KIFC3: variants seen among roughly 807,000 people sequenced by gnomAD.
KIFC3 encodes the protein kinesin-like protein KIFC3.
Under a neutral mutation model 101.8 loss-of-function variants are expected in KIFC3, and 60 were observed. The ratio of observed to expected loss-of-function variants is 0.59; its 90% CI spans 0.48 to 0.73. The LOEUF is 0.73. Ranked by LOEUF, KIFC3 falls within the 30% of genes least tolerant of loss-of-function variation. The pLI is 0.00. For missense variants in KIFC3, 966 were observed against 1,137.1 expected, an observed-to-expected ratio of 0.85 and a Z score of 2.16; for synonymous variants, 476 against 482.7, an observed-to-expected ratio of 0.99 and a Z score of 0.18.
chr16:57,857,503 C>T (rs989379490), intron 1 of KIFC3, among the ~76,000 whole-genome samples: 1 of 151,828 alleles, frequency 6.6e-6, no homozygotes, highest in Admixed American at 6.6e-5. Context: ...CCCATCAACC[C>T]GTCATCTCCA....
intron 12 of KIFC3, among the ~76,000 whole-genome samples, chr16:57,763,899 A>T (rs1395700835): frequency 1.3e-5 from 2 of 152,134 alleles, no homozygotes; most frequent in African/African-American, 2.4e-5. Context: ...GATCCCTGTG[A>T]TGATAGTCCC....
chr16:57,766,027 G>A (rs2050442229), intron 10 of KIFC3, among the ~76,000 whole-genome samples: 1 of 152,208 alleles, frequency 6.6e-6, no homozygotes, highest in African/African-American at 2.4e-5. Context: ...GCCTTGTCCT[G>A]AATGGCAGGA....
intron 3 of KIFC3, chr16:57,782,050 TAGAG>T: frequency 1.0e-6 from 1 of 985,392 alleles, no homozygotes; most frequent in African/African-American, 1.7e-5. Context: ...GGGCTTTGCT[TAGAG>T]AGGCAAAGTT....
chr16:57,853,989 T>A (rs1396255290), intron 1 of KIFC3, among the ~76,000 whole-genome samples: 1 of 152,120 alleles, frequency 6.6e-6, no homozygotes, highest in Non-Finnish European at 1.5e-5. Context: ...CCACCCAGGC[T>A]GGAGTGCAGT....
intron 1 of KIFC3, among the ~76,000 whole-genome samples, chr16:57,845,987 C>T (rs753445339): frequency 2.0e-5 from 3 of 152,098 alleles, no homozygotes; most frequent in African/African-American, 7.2e-5. Context: ...GGGTTTTTGT[C>T]AAAACAAAGC....
chr16:57,798,445 G>A, intron 1 of KIFC3, 163 bp from the exon 2 acceptor site: 1 of 651,972 alleles, frequency 1.5e-6, no homozygotes, highest in Non-Finnish European at 2.6e-6. Flanking sequence ...GGGCTCGCAG[G>A]ATGAAATGGG....
intron 2 of KIFC3, among the ~76,000 whole-genome samples, chr16:57,795,498 G>T (rs1220867680): frequency 6.6e-6 from 1 of 152,218 alleles, no homozygotes; most frequent in Non-Finnish European, 1.5e-5. Flanking sequence ...GAAGCTTTGA[G>T]GACTTGCACA....
chr16:57,815,023 G>A (rs1396868131), intron 1 of KIFC3, among the ~76,000 whole-genome samples: 1 of 152,200 alleles, frequency 6.6e-6, no homozygotes, highest in African/African-American at 2.4e-5. Context: ...GCCTTAGGTA[G>A]GAAGGAATTT....
chr16:57,796,738 A>G (rs1555623162), intron 2 of KIFC3, among the ~76,000 whole-genome samples: 2 of 152,214 alleles, frequency 1.3e-5, no homozygotes, highest in Non-Finnish European at 2.9e-5. Context: ...TCAAAGACCT[A>G]TATGCATGCA....
At chr16:57,762,919 C>T (rs1555599321) in intron 12 of KIFC3, among the ~76,000 whole-genome samples, 1 of 152,216 alleles carries the variant, frequency 6.6e-6, no homozygotes. Flanking sequence ...CTCCCTCTGC[C>T]CCGGGTACTC....
intron 1 of KIFC3, among the ~76,000 whole-genome samples, chr16:57,815,205 C>T (rs2055192562): frequency 1.3e-5 from 2 of 152,222 alleles, no homozygotes; most frequent in South Asian, 2.1e-4. Flanking sequence ...ACAGACTCTG[C>T]CCAAACAAGT....
chr16:57,850,295 C>T (rs1232238727), intron 1 of KIFC3, among the ~76,000 whole-genome samples: 1 of 150,264 alleles, frequency 6.7e-6, no homozygotes, highest in African/African-American at 2.5e-5. Flanking sequence ...CCCAGCTATT[C>T]AGGAGGCTGA....
rs782323217 is a variant in KIFC3 at position 57,761,541 on chromosome 16, A to G, written c.1749-5T>C. The G allele has an allele frequency of 1.1e-5, 17 of 1,612,118 alleles. No homozygotes were observed. The highest frequency in any genetic ancestry group is 1.4e-5 in the Non-Finnish European group (16 of 1,179,652). On this transcript the variant is annotated splice_region_variant and splice_polypyrimidine_tract_variant and intron_variant, in intron 13 of 19. Transcript: ENST00000445690. ...GGCTCTTTCCCTAGCAGGTCCCTGG[A>G]GGGGCAGGTGAGACAGTCACCCCCT... is the stretch of plus-strand genomic sequence containing the variant.
chr16:57,791,107 G>C (rs1219964536), intron 3 of KIFC3: 1 of 158,662 alleles, frequency 6.3e-6, no homozygotes, highest in Non-Finnish European at 1.4e-5. Flanking sequence ...CGTGGTGCCT[G>C]TAATTGCAGA....
At chr16:57,802,966 A>G, upstream of KIFC3, 2 of 1,535,558 alleles carry the variant, frequency 1.3e-6, no homozygotes, top group Non-Finnish European at 1.7e-6. This position sits in a 1 kb window ranked among gnomAD's most constrained non-coding sequence, Gnocchi z 5.0. Context: ...CTCACGAGAC[A>G]ATACATGTAC....
At chr16:57,788,186 C>T (rs1568026604) in intron 3 of KIFC3, among the ~76,000 whole-genome samples, 1 of 152,154 alleles carries the variant, frequency 6.6e-6, no homozygotes, top group Non-Finnish European at 1.5e-5. Context: ...TGGGGGCCCA[C>T]GGATAGGAGG....
At chr16:57,768,997 C>G (rs1459730244) in intron 9 of KIFC3, among the ~76,000 whole-genome samples, 1 of 152,106 alleles carries the variant, frequency 6.6e-6, no homozygotes, top group East Asian at 1.9e-4. Context: ...TGAACCCTGT[C>G]TCTAATAAAT....
intron 1 of KIFC3, among the ~76,000 whole-genome samples, chr16:57,851,598 G>A (rs529979161): frequency 1.4e-5 from 2 of 145,748 alleles, no homozygotes; most frequent in South Asian, 2.1e-4. Flanking sequence ...GCAGAGTCTC[G>A]CTCTGTTGCC....
intron 3 of KIFC3, chr16:57,775,883 G>A (rs1056744050): frequency 6.1e-6 from 6 of 985,420 alleles, no homozygotes; most frequent in Non-Finnish European, 7.2e-6. Context: ...CCGGGCCCAG[G>A]CTCCTCATCA....
Sources: gnomAD v4.1 joint callset for allele counts (sites outside exome capture counted in the v4.1 genomes callset) on GRCh38, gnomAD v4.1.1 for gene constraint, Gnocchi (gnomAD v3.1) non-coding constraint, MANE v1.5 for transcripts, NCBI Gene and HGNC (gene_info 2026-07-23, HGNC 2026-07-21) for gene names.